The following CDH4 variants were observed in gnomAD, a reference collection of about 807,000 sequenced individuals.
CDH4 encodes the protein cadherin 4, also known as cadherin-4.
CDH4 carries 33 observed loss-of-function variants against 86.0 expected under a neutral mutation model. The observed-to-expected ratio is 0.38, with a 90% CI of 0.29 to 0.51. The LOEUF is 0.51. Among genes scored for constraint, CDH4 ranks in the 20% least tolerant of loss-of-function variants. The probability of loss-of-function intolerance (pLI) is 0.86; values close to 1 mark genes in which losing one functional copy is unlikely to be tolerated. For synonymous variants in CDH4, 555 were observed against 549.4 expected, an observed-to-expected ratio of 1.01 and a Z score of -0.14; for missense variants, 1,114 against 1,307.4, an observed-to-expected ratio of 0.85 and a Z score of 2.28.
chr20:61,474,299 T>A (rs2085522769), intron 2 of CDH4, among the ~76,000 whole-genome samples: 1 of 151,210 alleles, frequency 6.6e-6, no homozygotes, highest in African/African-American at 2.4e-5. Flanking sequence ...TAGCTGGGAT[T>A]ACAGGCGTGC....
At chr20:61,401,894 G>A (rs185444601) in intron 2 of CDH4, among the ~76,000 whole-genome samples, 24 of 152,348 alleles carry the variant, frequency 1.6e-4, no homozygotes, top group Non-Finnish European at 2.8e-4. Context: ...AGAGGCCACA[G>A]TCACCTGTGA....
intron 2 of CDH4, among the ~76,000 whole-genome samples, chr20:61,313,207 G>A (rs1337871227): frequency 6.6e-6 from 1 of 152,198 alleles, no homozygotes; most frequent in East Asian, 1.9e-4. Context: ...GTGGGGCCTG[G>A]CTTAGCCCGA....
chr20:61,498,276 G>A (rs888916478), intron 2 of CDH4, among the ~76,000 whole-genome samples: 18 of 152,108 alleles, frequency 1.2e-4, no homozygotes, highest in Non-Finnish European at 1.9e-4. Flanking sequence ...AGACTAGTGA[G>A]GTGTTCCCAC....
At chr20:61,773,432 T>A (rs1198931633) in intron 4 of CDH4, among the ~76,000 whole-genome samples, 1 of 152,210 alleles carries the variant, frequency 6.6e-6, no homozygotes, top group Non-Finnish European at 1.5e-5. Context: ...AAGTGGCTGC[T>A]GTGTGTGTGG....
At chr20:61,418,928 C>A (rs905247384) in intron 2 of CDH4, among the ~76,000 whole-genome samples, 1 of 152,204 alleles carries the variant, frequency 6.6e-6, no homozygotes, top group Non-Finnish European at 1.5e-5. Context: ...TCACTCCAAT[C>A]TCTGCCTTGG....
At position 61,393,702 on chromosome 20, in the gene CDH4, G is replaced by A. The variant is rs531409143; in HGVS notation, c.169+138765G>A. 3.9e-5 allele frequency among the ~76,000 whole-genome samples: 6 copies of A among 152,050 alleles called. No homozygotes were observed. In the East Asian group the frequency reaches 7.8e-4, roughly 20 times the overall value. ...GGTGAGAGTCACTGCAGCCCCTCACGCCTCTGTTGTGTCAGGACAAGATAT... is the reference window on the plus strand; with the variant it reads ...GGTGAGAGTCACTGCAGCCCCTCACACCTCTGTTGTGTCAGGACAAGATAT... On this transcript the variant is annotated intron_variant, in intron 2 of 15. Transcript: ENST00000614565. The surrounding 1 kb of genome is among the most constrained non-coding windows in gnomAD (Gnocchi z 4.3).
At position 61,923,456 on chromosome 20, in the gene CDH4, C is replaced by A. The variant is rs369825987; in HGVS notation, c.1380C>A (p.Val460=). ...NEGMVTVVKA[V]DYELNRAFML... is the part of the protein sequence containing the mutation. Reference sequence around the variant, plus strand: ...GCCCTGATCTGTTGTTCCAGGCAGTCGACTACGAGCTCAACAGAGCTTTCA... The same window carrying A: ...GCCCTGATCTGTTGTTCCAGGCAGTAGACTACGAGCTCAACAGAGCTTTCA... The change falls in exon 10 of 16, where the codon GTC becomes GTA. Residue 460 remains valine (V), a synonymous_variant. Transcript: ENST00000614565. 5.0e-6 allele frequency: 8 copies of A among 1,613,954 alleles called. No homozygotes were observed. The highest frequency in any genetic ancestry group is 6.8e-6 in the Non-Finnish European group (8 of 1,179,992).
intron 9 of CDH4, among the ~76,000 whole-genome samples, chr20:61,914,101 C>G (rs926380062): frequency 6.6e-6 from 1 of 152,206 alleles, no homozygotes; most frequent in African/African-American, 2.4e-5. Flanking sequence ...CTCCTGCCCC[C>G]CCACAGCCAG....
rs2085768845 is a variant in CDH4 at position 61,510,093 on chromosome 20, A to G, written c.170-233470A>G. ...GAAATGTTCTATTGAAAGTCTATGT[A>G]ACTCTGTGAGTGTTTTCCAGTGGAG... On this transcript the variant is annotated intron_variant, in intron 2 of 15. Coordinates refer to ENST00000614565, the MANE Select transcript of CDH4 (RefSeq NM_001794.5). This position sits in a 1 kb window ranked among gnomAD's most constrained non-coding sequence, Gnocchi z 4.2. Among the ~76,000 whole-genome samples, 1 of 152,194 alleles carries G rather than the reference A, an allele frequency of 6.6e-6. No individual in the cohort carries two copies. The highest frequency in any genetic ancestry group is 1.5e-5 in the Non-Finnish European group (1 of 68,036).
rs75376465 is a variant in CDH4 at position 61,639,811 on chromosome 20, G to A, written c.170-103752G>A. Among the ~76,000 whole-genome samples the A allele has an allele frequency of 5.1e-3, 781 of 152,184 alleles. 20 individuals are homozygous for A. The highest frequency in any genetic ancestry group is 0.041 in the Admixed American group (632 of 15,276). Reference sequence around the variant, plus strand: ...TTGGTGGGCTTTAGGTCAGCTGGCCGATTATTTTATGTCCTTTTTATAGTG... The same window carrying A: ...TTGGTGGGCTTTAGGTCAGCTGGCCAATTATTTTATGTCCTTTTTATAGTG... On this transcript the variant is annotated intron_variant, in intron 2 of 15. Coordinates refer to ENST00000614565, the MANE Select transcript of CDH4 (RefSeq NM_001794.5).
chr20:61,300,939 C>T (rs1394110404), intron 2 of CDH4, among the ~76,000 whole-genome samples: 3 of 152,204 alleles, frequency 2.0e-5, no homozygotes, highest in Non-Finnish European at 4.4e-5. Context: ...GCTGCTCCCT[C>T]CCCCGGCCCC....
chr20:61,813,024 C>T (rs1980518381), intron 4 of CDH4, among the ~76,000 whole-genome samples: 1 of 152,268 alleles, frequency 6.6e-6, no homozygotes, highest in Non-Finnish European at 1.5e-5. Context: ...GGCTGGGAGT[C>T]TCCACGCACA....
At chr20:61,345,979 C>T (rs921699156) in intron 2 of CDH4, among the ~76,000 whole-genome samples, 5 of 152,222 alleles carry the variant, frequency 3.3e-5, no homozygotes, top group African/African-American at 1.2e-4. Context: ...GCACGTTCTC[C>T]CTTCCTCATG....
At chr20:61,710,800 C>T (rs1713963003) in intron 2 of CDH4, among the ~76,000 whole-genome samples, 1 of 152,218 alleles carries the variant, frequency 6.6e-6, no homozygotes. Context: ...TTTCTGAGGC[C>T]CTACATGCTC....
rs563581817 is a variant in CDH4, at chr20:61,614,030, G to A, written c.170-129533G>A. Among the ~76,000 whole-genome samples the A allele has an allele frequency of 2.0e-5, 3 of 152,240 alleles. No individual in the cohort carries two copies. In the East Asian group the frequency reaches 5.8e-4, roughly 29 times the overall value. On this transcript the variant is annotated intron_variant, in intron 2 of 15. Transcript: ENST00000614565. ...AGGCAGGTGGGTGTATGAGAGGAGA[G>A]GTGGCAGGGACGGACGTGTGGTGGA... is the stretch of plus-strand genomic sequence containing the variant.
intron 2 of CDH4, among the ~76,000 whole-genome samples, chr20:61,730,568 C>T (rs755554556): frequency 2.0e-5 from 3 of 152,198 alleles, no homozygotes; most frequent in African/African-American, 2.4e-5. Context: ...TCCTGGGTGC[C>T]AAAGTCACCT....
Position 61,934,002 on chromosome 20 carries a change from G to T in CDH4, c.2380-54G>T, listed in dbSNP as rs1048038954. 6.9e-6 allele frequency: 11 copies of T among 1,593,586 alleles called. No homozygotes were observed. The African/African-American group carries it at 1.2e-4, about 17-fold the overall frequency. On this transcript the variant is annotated intron_variant, in intron 14 of 15. Transcript: ENST00000614565. ...GACAGAAAAGGATGCAGGGTGGAAGGGGGGCTGGCGGATTCTTCTGATGCC... is the reference window on the plus strand; with the variant it reads ...GACAGAAAAGGATGCAGGGTGGAAGTGGGGCTGGCGGATTCTTCTGATGCC...
chr20:61,852,671 C>A lies in CDH4; in HGVS notation c.733-83C>A. 2.0e-6 allele frequency: 3 copies of A among 1,464,036 alleles called. No homozygotes were observed. The Admixed American group carries it at 6.5e-5, about 32-fold the overall frequency. The allele number at this position is 1,464,036 out of a possible 1,614,324, so 90.7% of individuals were successfully genotyped here. On this transcript the variant is annotated intron_variant, in intron 5 of 15. Coordinates refer to ENST00000614565, the MANE Select transcript of CDH4 (RefSeq NM_001794.5). Reference sequence around the variant, plus strand: ...CCTGCTTCTGCCATCAGTCTCCTACCCCAGCACCGCGGGTCCCAGGCCGCT... The same window carrying A: ...CCTGCTTCTGCCATCAGTCTCCTACACCAGCACCGCGGGTCCCAGGCCGCT...
At chr20:61,345,831 A>G (rs1018928244) in intron 2 of CDH4, among the ~76,000 whole-genome samples, 1 of 152,216 alleles carries the variant, frequency 6.6e-6, no homozygotes, top group Non-Finnish European at 1.5e-5. Flanking sequence ...TGCCACTGGC[A>G]GGAAAGACAT....
Sources: gnomAD v4.1 joint callset for allele counts (sites outside exome capture counted in the v4.1 genomes callset) on GRCh38, gnomAD v4.1.1 for gene constraint, Gnocchi (gnomAD v3.1) non-coding constraint, MANE v1.5 for transcripts, NCBI Gene and HGNC (gene_info 2026-07-23, HGNC 2026-07-21) for gene names.